The following SLC2A1 variants were observed in gnomAD, a reference collection of about 807,000 sequenced individuals.
SLC2A1 encodes solute carrier family 2, facilitated glucose transporter member 1.
A neutral mutation model predicts 46.6 loss-of-function variants in SLC2A1; 4 were observed. The ratio of observed to expected loss-of-function variants is 0.09; its 90% CI spans 0.04 to 0.20. SLC2A1 has a LOEUF of 0.20. Ranked by LOEUF, SLC2A1 falls within the 10% of genes least tolerant of loss-of-function variation. The probability of loss-of-function intolerance (pLI) is 1.00; values close to 1 mark genes in which losing one functional copy is unlikely to be tolerated. For missense variants in SLC2A1, 352 were observed against 667.0 expected (o/e 0.53, Z 5.20); for synonymous variants, 253 against 270.0 (o/e 0.94, Z 0.62).
chr1:42,945,186 C>CAAAG (rs1014769937), intron 1 of SLC2A1, among the ~76,000 whole-genome samples: 5 of 152,278 alleles, frequency 3.3e-5, no homozygotes, highest in Non-Finnish European at 5.9e-5. Flanking sequence ...AAAGTATATA[C>CAAAG]TGTATTTTTC....
At chr1:42,933,357 T>C (rs7515384) in intron 2 of SLC2A1, among the ~76,000 whole-genome samples, 8,043 of 152,148 alleles carry the variant, frequency 0.053, 763 homozygotes, top group African/African-American at 0.18. Context: ...TACTCCTGCC[T>C]GGAAGGTACC....
chr1:42,955,492 T>C (rs185537887), intron 1 of SLC2A1, among the ~76,000 whole-genome samples: 5 of 152,208 alleles, frequency 3.3e-5, no homozygotes, highest in Admixed American at 3.3e-4. Context: ...TGTCTGTGGT[T>C]CCAGCTACTC....
intron 1 of SLC2A1, among the ~76,000 whole-genome samples, chr1:42,949,800 G>GA (rs61325695): frequency 0.067 from 10,185 of 152,208 alleles, 685 homozygotes; most frequent in African/African-American, 0.16. Context: ...GAGAGAGAGG[G>GA]AAAAGCGCAG....
chr1:42,944,856 C>A (rs1259833038), intron 1 of SLC2A1, among the ~76,000 whole-genome samples: 2 of 152,154 alleles, frequency 1.3e-5, no homozygotes, highest in African/African-American at 4.8e-5. Flanking sequence ...CCCTCTAAAT[C>A]CTCTGCATTG....
intron 2 of SLC2A1, among the ~76,000 whole-genome samples, chr1:42,942,715 G>T (rs1643610016): frequency 6.6e-6 from 1 of 151,992 alleles, no homozygotes; most frequent in Admixed American, 6.6e-5. Flanking sequence ...GCAGGCAGGT[G>T]TTGGATACCA....
chr1:42,937,316 T>C (rs1029829477), intron 2 of SLC2A1, among the ~76,000 whole-genome samples: 1 of 152,200 alleles, frequency 6.6e-6, no homozygotes, highest in African/African-American at 2.4e-5. Context: ...GCCATGAATC[T>C]AACTGAAGGG....
In SLC2A1 at chr1:42,958,726, C is replaced by T. The variant is rs1050167930; in HGVS notation, c.-75G>A. ...CGGGCGTGCGAGCGGCGCTCTCCCG[C>T]TCAGGCTCGTGCTCCGGTCCGGGGA... On this transcript the variant is annotated 5_prime_UTR_variant, in exon 1 of 10. Transcript: ENST00000426263. 5 of 1,470,766 alleles carry T rather than the reference C, an allele frequency of 3.4e-6. No homozygotes were observed. In the African/African-American group the frequency reaches 7.1e-5, roughly 21 times the overall value. 91.1% of individuals were successfully genotyped at this position (1,470,766 alleles called of 1,614,324 possible).
intron 1 of SLC2A1, among the ~76,000 whole-genome samples, chr1:42,956,026 C>T (rs1643768866): frequency 6.6e-6 from 1 of 152,040 alleles, no homozygotes; most frequent in Non-Finnish European, 1.5e-5. Flanking sequence ...GAAAGGCAAG[C>T]GATATGACCT....
intron 1 of SLC2A1, among the ~76,000 whole-genome samples, chr1:42,955,553 T>G (rs890473669): frequency 2.0e-5 from 3 of 152,146 alleles, no homozygotes; most frequent in African/African-American, 7.2e-5. Flanking sequence ...GAGGTTGCAG[T>G]AAGCCAAGAT....
At chr1:42,955,883 C>T (rs1196634466) in intron 1 of SLC2A1, among the ~76,000 whole-genome samples, 1 of 152,184 alleles carries the variant, frequency 6.6e-6, no homozygotes, top group Non-Finnish European at 1.5e-5. Flanking sequence ...AAGCTCATTA[C>T]TGTGAGTTAC....
Position 42,927,393 on chromosome 1 carries a change from T to G in SLC2A1, c.1279-152A>C. ...TATCATAATTAACTGAGACCACGCT[T>G]GTACCTAGAATGTAACAGGCTCCAG... On this transcript the variant is annotated intron_variant, in intron 9 of 9. Transcript: ENST00000426263. This position sits in a 1 kb window ranked among gnomAD's most constrained non-coding sequence, Gnocchi z 5.3. 1.2e-6 allele frequency: 1 copy of G among 859,360 alleles called. No individual in the cohort carries two copies. The highest frequency in any genetic ancestry group is 1.9e-6 in the Non-Finnish European group (1 of 519,316). 53.2% of individuals were successfully genotyped at this position (859,360 alleles called of 1,614,324 possible). A position where few individuals can be genotyped will look rare whatever the true frequency, so the allele number is the denominator to read the frequency against.
At chr1:42,935,767 A>C (rs841853) in intron 2 of SLC2A1, among the ~76,000 whole-genome samples, 100,226 of 151,988 alleles carry the variant, frequency 0.66, 33,399 homozygotes, top group East Asian at 0.77. Context: ...GAAGAGCTTT[A>C]TAGACTTCAG....
At chr1:42,944,511 T>C (rs1056679930) in intron 1 of SLC2A1, among the ~76,000 whole-genome samples, 16 of 152,208 alleles carry the variant, frequency 1.1e-4, no homozygotes, top group African/African-American at 3.6e-4. Context: ...TGTGGGTCTC[T>C]GGGCCTTGGT....
chr1:42,939,118 ATC>A (rs2124458150), intron 2 of SLC2A1, among the ~76,000 whole-genome samples: 1 of 152,362 alleles, frequency 6.6e-6, no homozygotes, highest in South Asian at 2.1e-4. Context: ...GCCAGATGGA[ATC>A]TCTGTGTCGC....
intron 1 of SLC2A1, among the ~76,000 whole-genome samples, chr1:42,957,623 A>G (rs1643789676): frequency 6.6e-6 from 1 of 152,230 alleles, no homozygotes; most frequent in Non-Finnish European, 1.5e-5. Flanking sequence ...AAGGAGGTGG[A>G]AAGAAACAAT....
At position 42,951,894 on chromosome 1, in the gene SLC2A1, C is replaced by A. The variant is rs184894780; in HGVS notation, c.18+6740G>T. ...AGCTGGGAGATGGAGGGCTGCCCCACAGATGTATGAACAGGTCCAATCTTC... is the reference window on the plus strand; with the variant it reads ...AGCTGGGAGATGGAGGGCTGCCCCAAAGATGTATGAACAGGTCCAATCTTC... On this transcript the variant is annotated intron_variant, in intron 1 of 9. Transcript: ENST00000426263. 426 of 401,364 alleles carry A rather than the reference C, an allele frequency of 1.1e-3. 1 individual carries two copies. The highest frequency in any genetic ancestry group is 1.6e-3 in the Non-Finnish European group (375 of 227,898). 24.9% of individuals were successfully genotyped at this position (401,364 alleles called of 1,614,324 possible).
chr1:42,926,907 G>A lies in SLC2A1; in HGVS notation c.*134C>T. 1 of 1,515,994 alleles carries A rather than the reference G, an allele frequency of 6.6e-7. No individual in the cohort carries two copies. The highest frequency in any genetic ancestry group is 1.3e-5 in the South Asian group (1 of 76,130). The allele number at this position is 1,515,994 out of a possible 1,614,324, so 93.9% of individuals were successfully genotyped here. A position where few individuals can be genotyped will look rare whatever the true frequency, so the allele number is the denominator to read the frequency against. On this transcript the variant is annotated 3_prime_UTR_variant, in exon 10 of 10. Transcript: ENST00000426263. The stretch of plus-strand genomic sequence containing the variant: ...CCTGAATATTCTTCTGGACATCATT[G>A]CTGGCTGGAGAAAGGAGCCCCAGGC...
chr1:42,926,433 C>T lies in SLC2A1; in HGVS notation c.*608G>A. 1 of 226,826 alleles carries T rather than the reference C, an allele frequency of 4.4e-6. No individual in the cohort carries two copies. 14.1% of individuals were successfully genotyped at this position (226,826 alleles called of 1,614,324 possible). A position where few individuals can be genotyped will look rare whatever the true frequency, so the allele number is the denominator to read the frequency against. On this transcript the variant is annotated 3_prime_UTR_variant, in exon 10 of 10. Coordinates refer to ENST00000426263, the MANE Select transcript of SLC2A1 (RefSeq NM_006516.4). ...TAGAACCCGGCAGCCCAGACTGGCC[C>T]TTCCCCTCTCCTCCCTGCACTCCAG... is the stretch of plus-strand genomic sequence containing the variant.
intron 2 of SLC2A1, among the ~76,000 whole-genome samples, chr1:42,939,371 G>A (rs1046865775): frequency 2.0e-5 from 3 of 152,204 alleles, no homozygotes; most frequent in African/African-American, 7.2e-5. Flanking sequence ...AAGAAACACC[G>A]CTAGATTTCA....
Sources: allele counts gnomAD v4.1 joint callset (sites outside exome capture counted in the v4.1 genomes callset), GRCh38; gene constraint gnomAD v4.1.1; non-coding constraint Gnocchi (gnomAD v3.1); transcripts MANE v1.5; gene names NCBI Gene and HGNC (gene_info 2026-07-23, HGNC 2026-07-21).